CDH13: variants seen among roughly 807,000 people sequenced by gnomAD.
The protein encoded by CDH13 is cadherin 13, also known as cadherin-13.
In CDH13, 24 loss-of-function variants were observed where a neutral mutation model predicts 63.8. That is an observed-to-expected ratio of 0.38 (90% CI 0.27 to 0.53). The LOEUF (loss-of-function observed/expected upper bound fraction) is 0.53, where lower values mean the gene tolerates loss of function less well. Ranked by LOEUF, CDH13 falls within the 20% of genes least tolerant of loss-of-function variation. CDH13 has a pLI of 0.85. For missense variants in CDH13, 1,049 were observed against 903.1 expected, an observed-to-expected ratio of 1.16 and a Z score of -2.07; for synonymous variants, 503 against 355.3, an observed-to-expected ratio of 1.42 and a Z score of -4.67.
At position 83,244,693 on chromosome 16, in the gene CDH13, A is replaced by G. The variant is rs78391691; in HGVS notation, c.636+27196A>G. 6.2e-4 allele frequency among the ~76,000 whole-genome samples: 94 copies of G among 152,312 alleles called. 1 individual carries two copies. The East Asian group carries it at 0.018, about 29-fold the overall frequency. ...TTGTTACAGTGAAAAGATTCCAAGC[A>G]AAATCAGCATTAAAGGCACATAGGC... On this transcript the variant is annotated intron_variant, in intron 5 of 13. Coordinates refer to ENST00000567109, the MANE Select transcript of CDH13 (RefSeq NM_001257.5).
rs866355942 is a variant in CDH13, at chr16:82,988,270, A to G, written c.158-43740A>G. ...TTTTAATATAAAGAAATGCCTTTAG[A>G]GAATGAAATGCACTGGGGGCATCCA... On this transcript the variant is annotated intron_variant, in intron 2 of 13. Transcript: ENST00000567109. Among the ~76,000 whole-genome samples, 3 of 152,344 alleles carry G rather than the reference A, an allele frequency of 2.0e-5. No homozygotes were observed. The Middle Eastern group carries it at 0.01, about 518-fold the overall frequency.
intron 1 of CDH13, among the ~76,000 whole-genome samples, chr16:82,658,578 A>G (rs998882717): frequency 6.6e-6 from 1 of 152,230 alleles, no homozygotes; most frequent in Non-Finnish European, 1.5e-5. Context: ...GAACTTGGGC[A>G]AGATATTTAA....
chr16:83,219,176 G>T (rs1212656439), intron 5 of CDH13, among the ~76,000 whole-genome samples: 2 of 152,164 alleles, frequency 1.3e-5, no homozygotes, highest in Admixed American at 1.3e-4. Flanking sequence ...CTGATCTTGG[G>T]ATTCTTGTCC....
At chr16:82,637,403 G>A (rs1221549209) in intron 1 of CDH13, among the ~76,000 whole-genome samples, 2 of 146,924 alleles carry the variant, frequency 1.4e-5, no homozygotes, top group Admixed American at 6.8e-5. Flanking sequence ...ATCCTCAGAA[G>A]CTGAGGTCTG....
intron 10 of CDH13, among the ~76,000 whole-genome samples, chr16:83,724,147 G>A (rs150333740): frequency 6.7e-5 from 10 of 148,206 alleles, no homozygotes; most frequent in African/African-American, 2.4e-4. Context: ...GGTGATGAAT[G>A]CATGGGTGGG....
intron 8 of CDH13, among the ~76,000 whole-genome samples, chr16:83,647,552 C>A (rs1244609389): frequency 6.6e-6 from 1 of 152,178 alleles, no homozygotes; most frequent in Non-Finnish European, 1.5e-5. Context: ...GTGTGTTGAA[C>A]TGAGTTACTT....
At chr16:83,378,941 T>G (rs1172502490) in intron 6 of CDH13, among the ~76,000 whole-genome samples, 1 of 152,048 alleles carries the variant, frequency 6.6e-6, no homozygotes, top group African/African-American at 2.4e-5. Context: ...TTCTTATAAT[T>G]ATTTCCAAGA....
chr16:83,785,232 C>T (rs551566776), intron 13 of CDH13, among the ~76,000 whole-genome samples: 7 of 152,184 alleles, frequency 4.6e-5, no homozygotes, highest in Non-Finnish European at 8.8e-5. Flanking sequence ...ATGTATTGCT[C>T]ATGGTTCTGG....
At chr16:83,736,649 G>C (rs181515524) in intron 10 of CDH13, among the ~76,000 whole-genome samples, 1 of 152,138 alleles carries the variant, frequency 6.6e-6, no homozygotes, top group East Asian at 1.9e-4. Flanking sequence ...AAAATGGGGT[G>C]GGGGAGGGCA....
chr16:82,891,254 C>T (rs189952448), intron 2 of CDH13, among the ~76,000 whole-genome samples: 104 of 152,182 alleles, frequency 6.8e-4, no homozygotes, highest in Admixed American at 7.2e-4. Context: ...CCCTTGGGGA[C>T]TCTTAATTTC....
chr16:83,564,607 C>T (rs773774471), intron 7 of CDH13, among the ~76,000 whole-genome samples: 1 of 152,112 alleles, frequency 6.6e-6, no homozygotes, highest in Non-Finnish European at 1.5e-5. Context: ...TGGGGTTTCA[C>T]CATGTTGGCC....
At chr16:83,277,678 A>G (rs1279684888) in intron 5 of CDH13, among the ~76,000 whole-genome samples, 1 of 152,202 alleles carries the variant, frequency 6.6e-6, no homozygotes, top group Non-Finnish European at 1.5e-5. Context: ...GTAGCAGATA[A>G]GAGAATCCAG....
At chr16:82,631,799 G>A (rs576943253) in intron 1 of CDH13, among the ~76,000 whole-genome samples, 5 of 152,302 alleles carry the variant, frequency 3.3e-5, no homozygotes, top group African/African-American at 9.6e-5. Flanking sequence ...GGAGAAGAAA[G>A]GACATTTCTA....
At chr16:83,777,676 T>C (rs1244858766) in intron 11 of CDH13, among the ~76,000 whole-genome samples, 1 of 152,248 alleles carries the variant, frequency 6.6e-6, no homozygotes, top group Non-Finnish European at 1.5e-5. Flanking sequence ...ATAAGCTGTC[T>C]GCATCTAAAG....
chr16:83,456,461 T>C (rs2073028009), intron 6 of CDH13, among the ~76,000 whole-genome samples: 1 of 152,136 alleles, frequency 6.6e-6, no homozygotes, highest in Admixed American at 6.5e-5. Context: ...AAAGACGTCA[T>C]GACAGTAGAA....
intron 6 of CDH13, among the ~76,000 whole-genome samples, chr16:83,446,964 C>T (rs1200702079): frequency 1.3e-5 from 2 of 149,636 alleles, no homozygotes; most frequent in African/African-American, 4.9e-5. Flanking sequence ...TGCATTACTG[C>T]CACCTAATGG....
At chr16:83,294,174 T>A (rs2089532735) in intron 5 of CDH13, among the ~76,000 whole-genome samples, 1 of 152,214 alleles carries the variant, frequency 6.6e-6, no homozygotes. Context: ...TATCTATACA[T>A]TGTGGAATGA....
At chr16:83,376,535 C>G (rs2091462381) in intron 6 of CDH13, among the ~76,000 whole-genome samples, 1 of 152,066 alleles carries the variant, frequency 6.6e-6, no homozygotes, top group Non-Finnish European at 1.5e-5. Flanking sequence ...GACATGGACA[C>G]ATTTTCATTA....
chr16:83,739,644 A>G (rs991006928), intron 10 of CDH13, among the ~76,000 whole-genome samples: 1 of 152,158 alleles, frequency 6.6e-6, no homozygotes, highest in Non-Finnish European at 1.5e-5. Context: ...GGAGCAGCAT[A>G]GAAGTGGGAG....
Sources: gnomAD v4.1 joint callset for allele counts (sites outside exome capture counted in the v4.1 genomes callset) on GRCh38, gnomAD v4.1.1 for gene constraint, MANE v1.5 for transcripts, NCBI Gene and HGNC (gene_info 2026-07-23, HGNC 2026-07-21) for gene names.